AMPH: variants seen among roughly 807,000 people sequenced by gnomAD.
AMPH encodes amphiphysin (Stiff-Mann syndrome with breast cancer 128kD autoantigen).
A neutral mutation model predicts 99.1 loss-of-function variants in AMPH; 49 were observed. The observed-to-expected ratio is 0.49, with a 90% CI of 0.39 to 0.63. The LOEUF (loss-of-function observed/expected upper bound fraction) is 0.63. Ranked by LOEUF, AMPH falls within the 20% of genes least tolerant of loss-of-function variation. The probability of loss-of-function intolerance (pLI) is 0.00; values close to 1 mark genes in which losing one functional copy is unlikely to be tolerated. For missense variants in AMPH, 759 were observed against 863.4 expected (o/e 0.88, Z 1.52); for synonymous variants, 314 against 317.3 (o/e 0.99, Z 0.11).
intron 11 of AMPH, among the ~76,000 whole-genome samples, chr7:38,453,132 T>C (rs1334749833): frequency 6.6e-6 from 1 of 152,098 alleles, no homozygotes; most frequent in East Asian, 1.9e-4. Flanking sequence ...TTTAGAAAAA[T>C]GGCAGAAACC....
intron 1 of AMPH, among the ~76,000 whole-genome samples, chr7:38,575,335 T>C (rs1792198581): frequency 6.6e-6 from 1 of 152,032 alleles, no homozygotes; most frequent in Non-Finnish European, 1.5e-5. Flanking sequence ...ATGTAGAAAA[T>C]GGAGAATGAG....
chr7:38,451,460 A>G (rs1787033920), intron 11 of AMPH, among the ~76,000 whole-genome samples: 1 of 143,978 alleles, frequency 6.9e-6, no homozygotes, highest in South Asian at 2.6e-4. Context: ...TGTTAGAATC[A>G]TATTTATATG....
chr7:38,495,356 A>C (rs1788891539), intron 3 of AMPH, among the ~76,000 whole-genome samples: 2 of 152,194 alleles, frequency 1.3e-5, no homozygotes. Flanking sequence ...CAAGTAAGAT[A>C]ATTATTTACT....
chr7:38,523,204 T>C (rs1275233352), intron 2 of AMPH, among the ~76,000 whole-genome samples: 2 of 151,726 alleles, frequency 1.3e-5, no homozygotes, highest in African/African-American at 4.8e-5. Flanking sequence ...ATAGATAATA[T>C]AGATGTCTGT....
chr7:38,391,909 C>T lies in AMPH; in HGVS notation c.1717G>A (p.Ala573Thr), dbSNP rs1461251500. Residue 573 changes from alanine to threonine, a missense_variant, in exon 19 of 21, where the codon GCT (alanine) becomes ACT (threonine). Ala to Thr is a moderately conservative substitution (Grantham distance 58). Around this residue, in one of 2 missense-constraint regions of AMPH, gnomAD observed 554 missense variants for 575.6 expected, o/e 0.96. Coordinates refer to ENST00000356264, the MANE Select transcript of AMPH (RefSeq NM_001635.4). Reference sequence around the variant, plus strand: ...GTCTCGCTGGTGGGGCCCGGAGGAGCCGCGTCCTCGGTGGTCTCCTTGGGC... The same window carrying T: ...GTCTCGCTGGTGGGGCCCGGAGGAGTCGCGTCCTCGGTGGTCTCCTTGGGC... ...AEPKETTEDA[A>T]PPGPTSETPE... is the part of the protein sequence containing the mutation. The T allele has an allele frequency of 6.2e-7, 1 of 1,612,560 alleles. No homozygotes were observed. The highest frequency in any genetic ancestry group is 2.2e-5 in the East Asian group (1 of 44,856).
intron 2 of AMPH, among the ~76,000 whole-genome samples, chr7:38,529,107 G>A (rs1235069513): frequency 2.0e-5 from 3 of 152,058 alleles, no homozygotes; most frequent in Non-Finnish European, 2.9e-5. Flanking sequence ...CCAGCCTCCC[G>A]GCTCTACAAC....
chr7:38,501,986 T>A (rs564468077), intron 3 of AMPH, among the ~76,000 whole-genome samples: 5 of 152,190 alleles, frequency 3.3e-5, no homozygotes, highest in Non-Finnish European at 7.3e-5. Context: ...TGATTATTCA[T>A]GAGGATAAGG....
At chr7:38,491,272 A>T in intron 4 of AMPH, 127 bp from the exon 5 acceptor site, 1 of 644,588 alleles carries the variant, frequency 1.6e-6, no homozygotes, top group Admixed American at 2.9e-5. Flanking sequence ...GCTAGGGGAA[A>T]AATGAGAATC....
intron 1 of AMPH, among the ~76,000 whole-genome samples, chr7:38,574,819 G>A (rs916050571): frequency 6.6e-6 from 1 of 152,002 alleles, no homozygotes; most frequent in Non-Finnish European, 1.5e-5. Context: ...ACTTTGGGAG[G>A]CCGGGGCGGG....
intron 17 of AMPH, among the ~76,000 whole-genome samples, chr7:38,407,562 A>G (rs1785082527): frequency 6.6e-6 from 1 of 152,126 alleles, no homozygotes; most frequent in Middle Eastern, 3.2e-3. Flanking sequence ...TTACCATTGC[A>G]CAATATAACC....
At chr7:38,613,871 G>GT (rs910581210) in intron 1 of AMPH, among the ~76,000 whole-genome samples, 3 of 151,360 alleles carry the variant, frequency 2.0e-5, no homozygotes, top group African/African-American at 7.3e-5. Context: ...AACTGTGCTA[G>GT]TGTAAGGAAC....
intron 16 of AMPH, 128 bp from the exon 17 acceptor site, chr7:38,418,078 T>G (rs1237221169): frequency 9.1e-7 from 1 of 1,097,464 alleles, no homozygotes; most frequent in Admixed American, 2.6e-5. Context: ...AAATCCGTGC[T>G]GGAGAAAAGC....
chr7:38,403,103 C>G (rs1784887500), intron 17 of AMPH, among the ~76,000 whole-genome samples: 1 of 152,060 alleles, frequency 6.6e-6, no homozygotes, highest in Non-Finnish European at 1.5e-5. Context: ...GAAGCCAGTT[C>G]TCTTCAGAAA....
At chr7:38,393,785 GC>G (rs752332821) in intron 18 of AMPH, among the ~76,000 whole-genome samples, 3 of 152,152 alleles carry the variant, frequency 2.0e-5, no homozygotes, top group Admixed American at 1.3e-4. Context: ...GGCCCAGTCA[GC>G]CACAGGCCCT....
At chr7:38,573,805 T>C (rs1271968893) in intron 1 of AMPH, among the ~76,000 whole-genome samples, 1 of 152,248 alleles carries the variant, frequency 6.6e-6, no homozygotes, top group Non-Finnish European at 1.5e-5. Context: ...AACAATTGTA[T>C]GGAACCTGCT....
chr7:38,479,213 A>T (rs1788197329), intron 5 of AMPH, among the ~76,000 whole-genome samples: 1 of 152,132 alleles, frequency 6.6e-6, no homozygotes, highest in Non-Finnish European at 1.5e-5. Flanking sequence ...GCATACAATA[A>T]AAAGGTAAGA....
At chr7:38,429,807 C>A in intron 14 of AMPH, 35 bp downstream of exon 14, 1 of 1,594,378 alleles carries the variant, frequency 6.3e-7, no homozygotes. Flanking sequence ...TATCAAATAC[C>A]AAAAAAATCC....
chr7:38,420,116 A>G (rs1785529541), intron 16 of AMPH, among the ~76,000 whole-genome samples: 1 of 152,180 alleles, frequency 6.6e-6, no homozygotes, highest in Non-Finnish European at 1.5e-5. Context: ...TAACACATGA[A>G]ATTTTACAAT....
chr7:38,608,442 C>T (rs1793510399), intron 1 of AMPH, among the ~76,000 whole-genome samples: 1 of 152,154 alleles, frequency 6.6e-6, no homozygotes, highest in African/African-American at 2.4e-5. Context: ...CCCCCTTCTT[C>T]CACCTTTTTT....
Sources: allele counts gnomAD v4.1 joint callset (sites outside exome capture counted in the v4.1 genomes callset), GRCh38; gene constraint gnomAD v4.1.1; regional missense constraint gnomAD v4.1.1; transcripts MANE v1.5; gene names NCBI Gene and HGNC (gene_info 2026-07-23, HGNC 2026-07-21).